The following IFT56 variants were observed in gnomAD, a reference collection of about 807,000 sequenced individuals.
IFT56 encodes intraflagellar transport protein 56.
At chr7:139,158,651 C>T in the IFT56 span, among the ~76,000 whole-genome samples, 3 of 151,972 alleles carry the variant, frequency 2.0e-5, no homozygotes, top group Non-Finnish European at 2.9e-5. Flanking sequence ...TGGTGGCTCA[C>T]GTCTGTAATC....
chr7:139,166,494 T>C, the IFT56 span, among the ~76,000 whole-genome samples: 1 of 151,476 alleles, frequency 6.6e-6, no homozygotes, highest in South Asian at 2.1e-4. Context: ...TCAGACTTCA[T>C]GTCATTTAAT....
At chr7:139,150,946 A>G in the IFT56 span, among the ~76,000 whole-genome samples, 4 of 152,218 alleles carry the variant, frequency 2.6e-5, no homozygotes. Context: ...CATTCTGCTT[A>G]TTATTTGTCA....
At chr7:139,162,349 C>A in the IFT56 span, among the ~76,000 whole-genome samples, 1 of 151,982 alleles carries the variant, frequency 6.6e-6, no homozygotes, top group Non-Finnish European at 1.5e-5. Flanking sequence ...GGTAAAGAAC[C>A]ACTATATAAA....
the IFT56 span, among the ~76,000 whole-genome samples, chr7:139,146,161 A>G: frequency 6.6e-3 from 1,003 of 152,310 alleles, 13 homozygotes; most frequent in African/African-American, 0.024. Flanking sequence ...TCTTTACAAA[A>G]TTTTTAAGCT....
the IFT56 span, chr7:139,133,815 C>A: frequency 1.2e-5 from 20 of 1,614,016 alleles, no homozygotes; most frequent in East Asian, 4.0e-4. Flanking sequence ...CGCTGAGGCG[C>A]GGCCTTCGCT....
At chr7:139,153,710 C>G in the IFT56 span, among the ~76,000 whole-genome samples, 1 of 152,124 alleles carries the variant, frequency 6.6e-6, no homozygotes, top group African/African-American at 2.4e-5. Flanking sequence ...GAATATACCT[C>G]TTTTAGTTTT....
chr7:139,158,477 C>A, the IFT56 span, among the ~76,000 whole-genome samples: 3 of 152,218 alleles, frequency 2.0e-5, no homozygotes, highest in South Asian at 6.2e-4. Context: ...GATTAAGGAA[C>A]TTCCCTTGTA....
chr7:139,147,745 G>A, the IFT56 span, among the ~76,000 whole-genome samples: 1 of 152,156 alleles, frequency 6.6e-6, no homozygotes, highest in Non-Finnish European at 1.5e-5. Context: ...GACAAAATTA[G>A]ATACAAATCA....
At chr7:139,157,139 C>CTTTTTTTTTTTT in the IFT56 span, among the ~76,000 whole-genome samples, 14 of 82,144 alleles carry the variant, frequency 1.7e-4, no homozygotes, top group Non-Finnish European at 2.5e-4. Context: ...TCTTTAATTT[C>CTTTTTTTTTTTT]TTTTTTTTTT....
chr7:139,161,787 C>T, the IFT56 span, among the ~76,000 whole-genome samples: 1 of 152,132 alleles, frequency 6.6e-6, no homozygotes, highest in African/African-American at 2.4e-5. Flanking sequence ...CTTATATTTA[C>T]TCCATTTCTT....
the IFT56 span, among the ~76,000 whole-genome samples, chr7:139,160,416 A>G: frequency 2.0e-5 from 3 of 150,864 alleles, no homozygotes; most frequent in African/African-American, 7.4e-5. Context: ...GCTTAGTATA[A>G]GTTTCAAGTC....
At chr7:139,147,169 A>C in the IFT56 span, 1 of 1,613,084 alleles carries the variant, frequency 6.2e-7, no homozygotes, top group Non-Finnish European at 8.5e-7. Context: ...AAAATTGATG[A>C]GCTTTCATCA....
At chr7:139,177,444 G>GAT in the IFT56 span, among the ~76,000 whole-genome samples, 4 of 151,108 alleles carry the variant, frequency 2.6e-5, no homozygotes, top group East Asian at 2.0e-4. Flanking sequence ...ATGTATATCA[G>GAT]ATATATATAT....
At chr7:139,139,862 T>G in the IFT56 span, 799 of 1,492,332 alleles carry the variant, frequency 5.4e-4, 1 homozygote, top group Admixed American at 3.0e-3. Context: ...GCTGCCAAAA[T>G]GAGATCACTG....
the IFT56 span, among the ~76,000 whole-genome samples, chr7:139,140,615 A>C: frequency 6.6e-6 from 1 of 151,912 alleles, no homozygotes; most frequent in Non-Finnish European, 1.5e-5. Flanking sequence ...CCCCATCTCT[A>C]CTAAAAATAC....
At chr7:139,178,796 C>CT in the IFT56 span, among the ~76,000 whole-genome samples, 2 of 151,946 alleles carry the variant, frequency 1.3e-5, no homozygotes, top group African/African-American at 4.8e-5. Context: ...TGAGGCAGGA[C>CT]AATGGCTTGA....
At chr7:139,146,719 A>G in the IFT56 span, among the ~76,000 whole-genome samples, 2 of 148,194 alleles carry the variant, frequency 1.3e-5, no homozygotes, top group African/African-American at 5.0e-5. Flanking sequence ...GTGAGCCGAG[A>G]TCGTGCCATT....
At chr7:139,154,384 A>C in the IFT56 span, among the ~76,000 whole-genome samples, 1 of 122,784 alleles carries the variant, frequency 8.1e-6, no homozygotes, top group African/African-American at 3.3e-5. Flanking sequence ...TGTTTCTTGT[A>C]CTTTTGGGGT....
At chr7:139,155,545 T>C in the IFT56 span, among the ~76,000 whole-genome samples, 1 of 152,136 alleles carries the variant, frequency 6.6e-6, no homozygotes, top group Non-Finnish European at 1.5e-5. Context: ...GAGATGATCA[T>C]TTAGTTTTTG....
Sources: allele counts gnomAD v4.1 joint callset (sites outside exome capture counted in the v4.1 genomes callset), GRCh38; gene constraint gnomAD v4.1.1; transcripts MANE v1.5; gene names NCBI Gene and HGNC (gene_info 2026-07-23, HGNC 2026-07-21).